CNGA4: variants seen among roughly 807,000 people sequenced by gnomAD.
CNGA4 encodes cyclic nucleotide-gated channel alpha-4.
CNGA4 carries 32 observed loss-of-function variants against 45.6 expected under a neutral mutation model. The ratio of observed to expected loss-of-function variants is 0.70; its 90% confidence interval spans 0.53 to 0.94. CNGA4 has a LOEUF of 0.94. CNGA4 is among the 40% of genes least tolerant of loss of function. The pLI, the probability that CNGA4 is intolerant of heterozygous loss-of-function variation, is 0.00. For missense variants in CNGA4, 726 were observed against 755.1 expected, an observed-to-expected ratio of 0.96 and a Z score of 0.45; for synonymous variants, 293 against 304.6, an observed-to-expected ratio of 0.96 and a Z score of 0.40.
At chr11:6,237,312 T>C (rs1847850887), upstream of CNGA4, among the ~76,000 whole-genome samples, 1 of 152,128 alleles carries the variant, frequency 6.6e-6, no homozygotes, top group Non-Finnish European at 1.5e-5. Context: ...AGGGCATAGA[T>C]AGGAATTCTA....
Position 6,241,436 on chromosome 11 carries a change from A to G in CNGA4, c.923A>G (p.Gln308Arg). 6.3e-7 allele frequency: 1 copy of G among 1,576,282 alleles called. No homozygotes were observed. Among genetic ancestry groups the G allele is most frequent in the Non-Finnish European group, 8.6e-7 (1 of 1,157,894 alleles). Residue 308 changes from glutamine to arginine, a missense_variant, in exon 5 of 6, where the codon CAG (glutamine) becomes CGG (arginine). Transcript: ENST00000379936. ...KLERRVIDWY[Q>R]HLQINKKMTN... Reference sequence around the variant, plus strand: ...GGCACTGTCCTTACTCTCAGGTATCAGCACCTGCAGATCAACAAGAAGATG... The same window carrying G: ...GGCACTGTCCTTACTCTCAGGTATCGGCACCTGCAGATCAACAAGAAGATG...
Position 6,240,346 on chromosome 11 carries a change from C to T in CNGA4, c.552C>T (p.Ser184=), listed in dbSNP as rs1272107451. Residue 184 remains serine (S), a synonymous_variant, in exon 4 of 6, where the codon AGC becomes AGT. Transcript: ENST00000379936. This position sits in a 1 kb window ranked among gnomAD's most constrained non-coding sequence, Gnocchi z 4.9. ...TTTTTGTCGTCATCCATTGGAACAG[C>T]TGCCTATACTTTGCCCTATCCCGGT... The part of the protein sequence containing the change: ...LYIFVVIHWN[S]CLYFALSRYL... 1 of 1,614,098 alleles carries T rather than the reference C, an allele frequency of 6.2e-7. No individual in the cohort carries two copies. The highest frequency in any genetic ancestry group is 1.3e-5 in the African/African-American group (1 of 74,956).
chr11:6,241,530 C>G lies in CNGA4; in HGVS notation c.1017C>G (p.His339Gln), dbSNP rs760186653. 4.3e-6 allele frequency: 7 copies of G among 1,614,082 alleles called. No homozygotes were observed. Among genetic ancestry groups the G allele is most frequent in the Admixed American group, 1.7e-5 (1 of 60,006 alleles). ...GGGCAGAAGTGGCTGTGTCTGTGCA[C>G]CTGTCCACTCTGAGCCGGGTGCAGA... Reference protein sequence around the residue: ...RLRAEVAVSVHLSTLSRVQIF... With the variant: ...RLRAEVAVSVQLSTLSRVQIF... The change falls in exon 5 of 6, where the codon CAC (histidine) becomes CAG (glutamine). Residue 339 changes from histidine (H) to glutamine (Q), a missense_variant. Physicochemically the swap from His to Gln is conservative, Grantham distance 24. Coordinates refer to ENST00000379936, the MANE Select transcript of CNGA4 (RefSeq NM_001037329.4).
chr11:6,235,871 GGAGGTTGCAGTTAGCC>G (rs1190371154), upstream of CNGA4, among the ~76,000 whole-genome samples: 1 of 151,858 alleles, frequency 6.6e-6, no homozygotes, highest in Admixed American at 6.6e-5. Context: ...CCCGGGAGGC[GGAGGTTGCAGTTAGCC>G]GAGATCGCAC....
chr11:6,241,827 GGGGGAACAGCAGAGCCCAGTGC>G, intron 5 of CNGA4, 47 bp downstream of exon 5: 2 of 1,565,974 alleles, frequency 1.3e-6, no homozygotes, highest in Non-Finnish European at 1.8e-6. Context: ...GGTGGGGTAG[GGGGGAACAGCAGAGCCCAGTGC>G]TGGGACCAGA....
rs1006705990 is a variant in CNGA4 at position 6,240,849 on chromosome 11, G to A, written c.917+138G>A. 5.4e-6 allele frequency: 6 copies of A among 1,103,776 alleles called. No homozygotes were observed. In the African/African-American group the frequency reaches 6.3e-5, roughly 12 times the overall value. 68.4% of individuals were successfully genotyped at this position (1,103,776 alleles called of 1,614,324 possible). ...CATTCAGCCGTGGGTTTGCTGGCTG[G>A]GGCTTGGAAAAAGGGAACTTCTTTC... On this transcript the variant is annotated intron_variant, in intron 4 of 5. Transcript: ENST00000379936. The surrounding 1 kb of genome is among the most constrained non-coding windows in gnomAD (Gnocchi z 4.9).
At chr11:6,235,733 G>A (rs1847824495), upstream of CNGA4, among the ~76,000 whole-genome samples, 1 of 152,182 alleles carries the variant, frequency 6.6e-6, no homozygotes, top group Non-Finnish European at 1.5e-5. Context: ...GAGGTCAAGA[G>A]TTCGAGACCA....
At chr11:6,237,249 C>T (rs142283045), upstream of CNGA4, among the ~76,000 whole-genome samples, 2,095 of 152,192 alleles carry the variant, frequency 0.014, 22 homozygotes, top group Non-Finnish European at 0.022. Flanking sequence ...TTAACTGCCA[C>T]AACATTATAC....
chr11:6,235,231 T>A (rs774580299), upstream of CNGA4, among the ~76,000 whole-genome samples: 1 of 152,188 alleles, frequency 6.6e-6, no homozygotes, highest in Non-Finnish European at 1.5e-5. Context: ...TAGTTCATTT[T>A]GCTCCATCGT....
Position 6,244,373 on chromosome 11 carries a change from C to A in CNGA4, c.1692C>A (p.Gly564=), listed in dbSNP as rs748464354. Residue 564 remains glycine (G), a synonymous_variant, in exon 6 of 6, where the codon GGC becomes GGA. Transcript: ENST00000379936. The surrounding 1 kb of genome is among the most constrained non-coding windows in gnomAD (Gnocchi z 4.5). ...AGGGAACTTCCAAAGATGAAGAGGG[C>A]AGGGCCAGCCAGGAGGGACCCCCAG... ...PEEGTSKDEE[G]RASQEGPPGP... 3 of 1,613,248 alleles carry A rather than the reference C, an allele frequency of 1.9e-6. No individual in the cohort carries two copies. Among genetic ancestry groups the A allele is most frequent in the East Asian group, 4.5e-5 (2 of 44,862 alleles).
chr11:6,244,297 G>T lies in CNGA4; in HGVS notation c.1616G>T (p.Trp539Leu), dbSNP rs747072193. ...IERLEWQTRE[W>L]PMPEDLAEAD... is the part of the protein sequence containing the mutation. ...CGGCTGGAGTGGCAGACTCGAGAGT[G>T]GCCAATGCCCGAGGACCTGGCTGAG... The change falls in exon 6 of 6, where the codon TGG (tryptophan) becomes TTG (leucine). Residue 539 changes from tryptophan (W) to leucine (L), a missense_variant. Coordinates refer to ENST00000379936, the MANE Select transcript of CNGA4 (RefSeq NM_001037329.4). This position sits in a 1 kb window ranked among gnomAD's most constrained non-coding sequence, Gnocchi z 4.5. 1.9e-6 allele frequency: 3 copies of T among 1,614,118 alleles called. No homozygotes were observed. Among genetic ancestry groups the T allele is most frequent in the South Asian group, 2.2e-5 (2 of 91,074 alleles).
intron 5 of CNGA4, among the ~76,000 whole-genome samples, chr11:6,243,336 GA>G (rs1172710384): frequency 1.3e-5 from 2 of 152,192 alleles, no homozygotes; most frequent in Non-Finnish European, 2.9e-5. Context: ...GAGGCTTCAA[GA>G]AGCTTATAAT....
chr11:6,238,271 A>G (rs325702), upstream of CNGA4, among the ~76,000 whole-genome samples: 123,875 of 152,150 alleles, frequency 0.81, 51,312 homozygotes, highest in East Asian at 0.98. Flanking sequence ...CTTCTGGAGA[A>G]GGGGGAGCGT....
upstream of CNGA4, among the ~76,000 whole-genome samples, chr11:6,238,272 G>T (rs567480839): frequency 1.4e-4 from 22 of 152,180 alleles, no homozygotes; most frequent in South Asian, 4.1e-4. Flanking sequence ...TTCTGGAGAA[G>T]GGGGAGCGTG....
chr11:6,238,813 C>A (rs531539700), upstream of CNGA4, among the ~76,000 whole-genome samples: 8 of 152,158 alleles, frequency 5.3e-5, no homozygotes, highest in African/African-American at 1.4e-4. Flanking sequence ...AGTGTTTGAT[C>A]CTACACTAAA....
Position 6,244,430 on chromosome 11 carries a change from T to C in CNGA4, c.*21T>C. 6.3e-7 allele frequency: 1 copy of C among 1,585,010 alleles called. No individual in the cohort carries two copies. The highest frequency in any genetic ancestry group is 8.6e-7 in the Non-Finnish European group (1 of 1,163,852). ...AGTGACCCCATCCCCATCCCCAGGA[T>C]TCCCACCTCCTAGTGAATCCAGAGT... is the stretch of plus-strand genomic sequence containing the variant. On this transcript the variant is annotated 3_prime_UTR_variant, in exon 6 of 6. Transcript: ENST00000379936. The surrounding 1 kb of genome is among the most constrained non-coding windows in gnomAD (Gnocchi z 4.5).
Position 6,240,949 on chromosome 11 carries a change from A to G in CNGA4, c.917+238A>G, listed in dbSNP as rs928198064. On this transcript the variant is annotated intron_variant, in intron 4 of 5. Coordinates refer to ENST00000379936, the MANE Select transcript of CNGA4 (RefSeq NM_001037329.4). This position sits in a 1 kb window ranked among gnomAD's most constrained non-coding sequence, Gnocchi z 4.9. The stretch of plus-strand genomic sequence containing the variant: ...GAGAGGAGCTCATACTCAAAAAAGG[A>G]TAATATGGAGACCAGGGAATGGGAA... Among the ~76,000 whole-genome samples the G allele has an allele frequency of 5.3e-5, 8 of 152,134 alleles. No individual in the cohort carries two copies. The highest frequency in any genetic ancestry group is 1.9e-4 in the African/African-American group (8 of 41,430).
chr11:6,240,492 G>C lies in CNGA4; in HGVS notation c.698G>C (p.Gly233Ala), dbSNP rs1847900720. 6.2e-7 allele frequency: 1 copy of C among 1,614,210 alleles called. No homozygotes were observed. The highest frequency in any genetic ancestry group is 8.5e-7 in the Non-Finnish European group (1 of 1,180,042). ...TCCACGCTGATACTGACTACAGTGGGCGATACACCGCCGCCAGCCAGGGAA... is the reference window on the plus strand; with the variant it reads ...TCCACGCTGATACTGACTACAGTGGCCGATACACCGCCGCCAGCCAGGGAA... Reference protein sequence around the residue: ...YFSTLILTTVGDTPPPAREEE... With the variant: ...YFSTLILTTVADTPPPAREEE... Residue 233 changes from glycine (G) to alanine (A), a missense_variant, in exon 4 of 6, where the codon GGC becomes GCC. Gly to Ala is a moderately conservative substitution (Grantham distance 60). Coordinates refer to ENST00000379936, the MANE Select transcript of CNGA4 (RefSeq NM_001037329.4). The surrounding 1 kb of genome is among the most constrained non-coding windows in gnomAD (Gnocchi z 4.9).
At chr11:6,235,046 TG>T (rs1847809019), upstream of CNGA4, among the ~76,000 whole-genome samples, 1 of 151,636 alleles carries the variant, frequency 6.6e-6, no homozygotes, top group South Asian at 2.1e-4. Context: ...TTGGGAGAGA[TG>T]GAGCCGGAAG....
Sources: allele counts gnomAD v4.1 joint callset (sites outside exome capture counted in the v4.1 genomes callset), GRCh38; gene constraint gnomAD v4.1.1; non-coding constraint Gnocchi (gnomAD v3.1); transcripts MANE v1.5; gene names NCBI Gene and HGNC (gene_info 2026-07-23, HGNC 2026-07-21).